Variants in MACIR observed in about 807,000 individuals in gnomAD.
The protein encoded by MACIR is UNC119-binding protein C5orf30.
Under a neutral mutation model 14.3 loss-of-function variants are expected in MACIR, and 4 were observed. The ratio of observed to expected loss-of-function variants is 0.28; its 90% CI spans 0.14 to 0.64. The LOEUF (loss-of-function observed/expected upper bound fraction) is 0.64, where lower values mean the gene tolerates loss of function less well. Among genes scored for constraint, MACIR ranks in the 30% least tolerant of loss-of-function variants. MACIR has a pLI of 0.83. For missense variants in MACIR, 228 were observed against 257.6 expected, an observed-to-expected ratio of 0.89 and a Z score of 0.79; for synonymous variants, 101 against 102.4, an observed-to-expected ratio of 0.99 and a Z score of 0.08.
At chr5:103,274,401 A>C (rs1805245055) in intron 2 of MACIR, among the ~76,000 whole-genome samples, 1 of 151,058 alleles carries the variant, frequency 6.6e-6, no homozygotes, top group Non-Finnish European at 1.5e-5. Context: ...AAAATATAAT[A>C]AAGCTGATTA....
chr5:103,261,880 T>C (rs180911737), intron 1 of MACIR, among the ~76,000 whole-genome samples: 1 of 152,228 alleles, frequency 6.6e-6, no homozygotes, highest in African/African-American at 2.4e-5. Flanking sequence ...ACTTTAATGA[T>C]GAATGTGATT....
rs1805362360 is a variant in MACIR, at chr5:103,276,992, G to C, written c.*452G>C. On this transcript the variant is annotated 3_prime_UTR_variant, in exon 3 of 3. Coordinates refer to ENST00000319933, the MANE Select transcript of MACIR (RefSeq NM_033211.4). ...ATTTGTTTTATGAAATTTAGAACTT[G>C]AACATTGCTGAATTGGACCACTTTT... The C allele has an allele frequency of 6.0e-6, 1 of 167,386 alleles. No homozygotes were observed. Among genetic ancestry groups the C allele is most frequent in the African/African-American group, 2.4e-5 (1 of 41,422 alleles). 10.4% of individuals were successfully genotyped at this position (167,386 alleles called of 1,614,324 possible).
At chr5:103,261,238 T>G (rs1804671170) in intron 1 of MACIR, among the ~76,000 whole-genome samples, 1 of 152,240 alleles carries the variant, frequency 6.6e-6, no homozygotes, top group Non-Finnish European at 1.5e-5. Flanking sequence ...TAATGGTTTG[T>G]TTGTAAGGTC....
chr5:103,258,490 T>A (rs925253640), upstream of MACIR, among the ~76,000 whole-genome samples: 1 of 151,716 alleles, frequency 6.6e-6, no homozygotes, highest in African/African-American at 2.4e-5. Flanking sequence ...AGAGAGCGGG[T>A]GTTGCGACTC....
intron 2 of MACIR, among the ~76,000 whole-genome samples, chr5:103,270,273 T>C (rs1805078586): frequency 6.6e-6 from 1 of 152,200 alleles, no homozygotes; most frequent in African/African-American, 2.4e-5. Flanking sequence ...AAAAAGTACA[T>C]GTTCTTTGAC....
In MACIR at chr5:103,275,931, T is replaced by C. The variant is rs1407738222; in HGVS notation, c.12T>C (p.Asp4=). Residue 4 remains aspartate, a synonymous_variant, in exon 3 of 3, where the codon GAT becomes GAC. Coordinates refer to ENST00000319933, the MANE Select transcript of MACIR (RefSeq NM_033211.4). ...GACTGGTGCTTAAAATGGAAGTCGA[T>C]ATTAATGGAGAGTCTAGAAGTACCC... MEV[D]INGESRSTLT... is the part of the protein sequence containing the mutation. 2.5e-6 allele frequency: 4 copies of C among 1,611,300 alleles called. No homozygotes were observed. The highest frequency in any genetic ancestry group is 3.4e-6 in the Non-Finnish European group (4 of 1,178,672).
At chr5:103,268,692 C>T (rs1805014904) in intron 2 of MACIR, among the ~76,000 whole-genome samples, 1 of 152,166 alleles carries the variant, frequency 6.6e-6, no homozygotes, top group Non-Finnish European at 1.5e-5. Flanking sequence ...GGATGGAAAA[C>T]AGACATCAGC....
At chr5:103,261,597 T>G (rs1454283450) in intron 1 of MACIR, among the ~76,000 whole-genome samples, 1 of 152,104 alleles carries the variant, frequency 6.6e-6, no homozygotes, top group African/African-American at 2.4e-5. Context: ...ATTAGTGGTC[T>G]CTTCTTAAAT....
At chr5:103,272,944 T>C (rs1186949268) in intron 2 of MACIR, among the ~76,000 whole-genome samples, 1 of 152,162 alleles carries the variant, frequency 6.6e-6, no homozygotes, top group African/African-American at 2.4e-5. Context: ...GCAAACAGTT[T>C]TCCAGCTCTG....
chr5:103,273,863 C>T (rs556712231), intron 2 of MACIR, among the ~76,000 whole-genome samples: 1 of 152,226 alleles, frequency 6.6e-6, no homozygotes, highest in South Asian at 2.1e-4. Flanking sequence ...TGGTGGGACT[C>T]CAAGAGTTGT....
rs148641268 is a variant in MACIR, at chr5:103,274,428, G to T, written c.-23-1469G>T. On this transcript the variant is annotated intron_variant, in intron 2 of 2. Transcript: ENST00000319933. ...AGCTGATTACTTTAAATCTAAAAGG[G>T]TTCAGGGACTAGAGTATTTTGGTGA... Among the ~76,000 whole-genome samples, 26 of 151,416 alleles carry T rather than the reference G, an allele frequency of 1.7e-4. No homozygotes were observed. The East Asian group carries it at 5.0e-3, about 29-fold the overall frequency.
intron 1 of MACIR, among the ~76,000 whole-genome samples, chr5:103,261,569 T>A (rs1459690149): frequency 6.6e-6 from 1 of 152,146 alleles, no homozygotes; most frequent in African/African-American, 2.4e-5. Context: ...TTGATGTTTT[T>A]TTTCCAAGTG....
At position 103,276,421 on chromosome 5, in the gene MACIR, C is replaced by G; in HGVS notation, c.502C>G (p.Leu168Val). 1 of 1,614,024 alleles carries G rather than the reference C, an allele frequency of 6.2e-7. No individual in the cohort carries two copies. ...LKGKRAHSKS[L>V]DYLNLDKMIK... is the part of the protein sequence containing the mutation. ...AGGTAAGAGGGCTCACTCCAAATCT[C>G]TGGACTACCTCAATCTAGATAAAAT... The change falls in exon 3 of 3, where the codon CTG becomes GTG. Residue 168 changes from leucine to valine, a missense_variant. Coordinates refer to ENST00000319933, the MANE Select transcript of MACIR (RefSeq NM_033211.4).
At chr5:103,267,908 G>A (rs1804985380) in intron 2 of MACIR, among the ~76,000 whole-genome samples, 1 of 151,812 alleles carries the variant, frequency 6.6e-6, no homozygotes, top group Non-Finnish European at 1.5e-5. Flanking sequence ...GGCAATTAAT[G>A]ATTGATTCTG....
At chr5:103,263,498 C>T (rs1804806788) in intron 1 of MACIR, among the ~76,000 whole-genome samples, 1 of 152,148 alleles carries the variant, frequency 6.6e-6, no homozygotes, top group Non-Finnish European at 1.5e-5. Flanking sequence ...CTTCAAGGCT[C>T]CTCTGCTTTC....
intron 2 of MACIR, among the ~76,000 whole-genome samples, chr5:103,275,063 A>G (rs1347602264): frequency 1.3e-5 from 2 of 152,192 alleles, no homozygotes; most frequent in African/African-American, 4.8e-5. Flanking sequence ...TTATTCTGCC[A>G]TTTATGAAAC....
In MACIR at chr5:103,262,970, A is replaced by G. The variant is rs1181542830; in HGVS notation, c.-113-2938A>G. 3.9e-5 allele frequency among the ~76,000 whole-genome samples: 6 copies of G among 152,202 alleles called. No homozygotes were observed. The East Asian group carries it at 1.2e-3, about 29-fold the overall frequency. ...TCAGTTGCAAGCGTTAGAGAATTATAGATTTTTAAAGTATTCTAAAAATGT... is the reference window on the plus strand; with the variant it reads ...TCAGTTGCAAGCGTTAGAGAATTATGGATTTTTAAAGTATTCTAAAAATGT... On this transcript the variant is annotated intron_variant, in intron 1 of 2. Coordinates refer to ENST00000319933, the MANE Select transcript of MACIR (RefSeq NM_033211.4).
At chr5:103,273,061 C>T (rs1185870045) in intron 2 of MACIR, among the ~76,000 whole-genome samples, 2 of 152,192 alleles carry the variant, frequency 1.3e-5, no homozygotes, top group Non-Finnish European at 2.9e-5. Flanking sequence ...CCCTAGAATA[C>T]TGACCTGTTT....
At chr5:103,263,945 A>AT (rs1431759464) in intron 1 of MACIR, among the ~76,000 whole-genome samples, 2 of 152,184 alleles carry the variant, frequency 1.3e-5, no homozygotes, top group Admixed American at 1.3e-4. Context: ...AGGATTTTGT[A>AT]TAAGACTTTC....
Sources: gnomAD v4.1 joint callset for allele counts (sites outside exome capture counted in the v4.1 genomes callset) on GRCh38, gnomAD v4.1.1 for gene constraint, MANE v1.5 for transcripts, NCBI Gene and HGNC (gene_info 2026-07-23, HGNC 2026-07-21) for gene names.